LOC101059915: variants seen among roughly 807,000 people sequenced by gnomAD.
the LOC101059915 span, chrX:71,668,480 C>A: frequency 8.7e-7 from 1 of 1,153,803 alleles, no homozygotes; most frequent in Admixed American, 2.8e-5. Context: ...ATCATTAGCA[C>A]CAAAGAAGGA....
chrX:71,671,277 CCA>C, the LOC101059915 span: 4 of 1,158,568 alleles, frequency 3.5e-6, no homozygotes, highest in Non-Finnish European at 4.6e-6. Flanking sequence ...ATGTCCCTTT[CCA>C]CAGTCCCAGT....
At chrX:71,668,614 AC>A in the LOC101059915 span, 1 of 1,081,835 alleles carries the variant, frequency 9.2e-7, no homozygotes, top group Admixed American at 3.9e-5. Flanking sequence ...CCGCAGACTC[AC>A]CCCAGTCGTG....
the LOC101059915 span, chrX:71,670,352 T>A: frequency 1.2e-5 from 14 of 1,162,943 alleles, no homozygotes; most frequent in Admixed American, 2.3e-4. Flanking sequence ...TTTGTGTGGC[T>A]CCTAGAAATA....
chrX:71,670,161 T>G, the LOC101059915 span: 13 of 1,061,698 alleles, frequency 1.2e-5, no homozygotes, highest in Non-Finnish European at 1.7e-5. Context: ...GGGCAACATG[T>G]TGCCAGCAGA....
At chrX:71,669,108 T>TC in the LOC101059915 span, 1 of 1,075,978 alleles carries the variant, frequency 9.3e-7, no homozygotes, top group Non-Finnish European at 1.2e-6. Context: ...CTCCTCTGTC[T>TC]CCCCCCACCC....
the LOC101059915 span, chrX:71,669,520 G>A: frequency 6.3e-5 from 60 of 952,468 alleles, no homozygotes; most frequent in East Asian, 2.0e-3. Flanking sequence ...CTCACCGCCC[G>A]TCCCCACTGC....
chrX:71,671,268 T>C, the LOC101059915 span: 1 of 1,162,540 alleles, frequency 8.6e-7, no homozygotes, highest in Non-Finnish European at 1.1e-6. Context: ...GCACACGTCA[T>C]GTCCCTTTCC....
the LOC101059915 span, chrX:71,667,872 C>T: frequency 4.5e-6 from 5 of 1,105,869 alleles, no homozygotes; most frequent in African/African-American, 3.7e-5. Context: ...AGCAGGCCGG[C>T]GCCCACACCG....
chrX:71,668,133 C>G, the LOC101059915 span: 2 of 1,138,011 alleles, frequency 1.8e-6, no homozygotes, highest in South Asian at 4.3e-5. Context: ...ATGAGCCAGC[C>G]ACCATCATGC....
At chrX:71,667,867 G>A in the LOC101059915 span, 3 of 1,104,458 alleles carry the variant, frequency 2.7e-6, no homozygotes, top group South Asian at 6.9e-5. Context: ...TGGCGAGCAG[G>A]CCGGCGCCCA....
chrX:71,670,700 C>G, the LOC101059915 span: 4 of 1,106,960 alleles, frequency 3.6e-6, no homozygotes, highest in Non-Finnish European at 4.7e-6. Context: ...ACAGCGGTGT[C>G]GTTCTGCAGG....
the LOC101059915 span, chrX:71,669,091 C>T: frequency 6.3e-6 from 7 of 1,105,999 alleles, no homozygotes; most frequent in Non-Finnish European, 7.2e-6. Flanking sequence ...CTCTCCTCTT[C>T]CTCTTTCTCC....
the LOC101059915 span, chrX:71,671,186 A>T: frequency 8.6e-7 from 1 of 1,163,321 alleles, no homozygotes. Flanking sequence ...TGGAGTACCC[A>T]GTTCTGTCTC....
At chrX:71,667,572 G>A in the LOC101059915 span, 36 of 264,382 alleles carry the variant, frequency 1.4e-4, no homozygotes, top group Non-Finnish European at 2.0e-4. Context: ...CGGAAGCCAC[G>A]CGCTGTCAGT....
the LOC101059915 span, chrX:71,668,722 G>A: frequency 0.053 from 57,400 of 1,074,908 alleles, 3,119 homozygotes; most frequent in African/African-American, 0.32. Context: ...CTGCTCAGGA[G>A]CTGCCGTTAG....
the LOC101059915 span, chrX:71,669,693 G>T: frequency 1.0e-6 from 1 of 974,198 alleles, no homozygotes; most frequent in Non-Finnish European, 1.3e-6. Flanking sequence ...GACGCCTGGT[G>T]CCCAGATGCC....
the LOC101059915 span, among the ~76,000 whole-genome samples, chrX:71,669,252 T>G: frequency 8.9e-6 from 1 of 111,783 alleles, no homozygotes. Context: ...AAGGGAGCAC[T>G]TGGTGTGTGC....
the LOC101059915 span, chrX:71,670,493 C>T: frequency 9.3e-7 from 1 of 1,079,330 alleles, no homozygotes; most frequent in Admixed American, 2.9e-5. Context: ...TGCCAATCCA[C>T]CTCACCACTG....
chrX:71,671,159 TTC>T, the LOC101059915 span: 4 of 1,163,388 alleles, frequency 3.4e-6, no homozygotes, highest in Non-Finnish European at 4.6e-6. Flanking sequence ...GGGCGTGGGT[TTC>T]TGTTTCCCTG....
Sources: allele counts gnomAD v4.1 joint callset (sites outside exome capture counted in the v4.1 genomes callset), GRCh38; gene constraint gnomAD v4.1.1; transcripts MANE v1.5.